Variants in C2orf68 observed in about 807,000 individuals in gnomAD.
C2orf68 encodes the protein UPF0561 protein C2orf68.
In C2orf68, 15 loss-of-function variants were observed where a neutral mutation model predicts 19.1. That is an observed-to-expected ratio of 0.79 (90% CI 0.53 to 1.21). C2orf68 has a LOEUF of 1.21. Ranked by LOEUF, C2orf68 falls within the 50% of genes most tolerant of loss-of-function variation. The pLI is 0.00. For missense variants in C2orf68, 242 were observed against 226.6 expected, an observed-to-expected ratio of 1.07 and a Z score of -0.44; for synonymous variants, 98 against 91.0, an observed-to-expected ratio of 1.08 and a Z score of -0.44.
At chr2:85,609,874 T>C (rs1374320927) in intron 2 of C2orf68, among the ~76,000 whole-genome samples, 2 of 151,846 alleles carry the variant, frequency 1.3e-5, no homozygotes, top group African/African-American at 4.8e-5. Flanking sequence ...AGAGATGGGG[T>C]TTTACCATGT....
Position 85,608,889 on chromosome 2 carries a change from G to T in C2orf68, c.*56C>A. On this transcript the variant is annotated 3_prime_UTR_variant, in exon 4 of 4. Transcript: ENST00000306336. The stretch of plus-strand genomic sequence containing the variant: ...TGGTACCCCCACACTAAATTCCCTG[G>T]GCAGAATTCTTCCGAGTGCAGTGAA... The T allele has an allele frequency of 6.2e-7, 1 of 1,600,512 alleles. No homozygotes were observed. Among genetic ancestry groups the T allele is most frequent in the Non-Finnish European group, 8.5e-7 (1 of 1,170,368 alleles).
rs1158834710 is a variant in C2orf68, at chr2:85,609,004, G to A, written c.442C>T (p.Arg148Ter). The stretch of plus-strand genomic sequence containing the variant: ...TGGATACGCAACTTGAGGGCTTCTC[G>A]CATGGGTGGATCCAGAGGCGTGTGT... ...SAHTPLDPPM[R>*]EALKLRIQEE... Residue 148 changes from arginine to a stop codon, truncating the protein, a stop_gained, in exon 4 of 4, where the codon CGA becomes TGA. Transcript: ENST00000306336. LOFTEE classifies it high-confidence loss of function. 13 of 1,614,214 alleles carry A rather than the reference G, an allele frequency of 8.1e-6. No individual in the cohort carries two copies. The highest frequency in any genetic ancestry group is 2.2e-5 in the East Asian group (1 of 44,888).
In C2orf68 at chr2:85,608,781, A is replaced by G; in HGVS notation, c.*164T>C. The G allele has an allele frequency of 1.5e-6, 1 of 645,210 alleles. No individual in the cohort carries two copies. Among genetic ancestry groups the G allele is most frequent in the South Asian group, 3.3e-5 (1 of 30,094 alleles). The allele number at this position is 645,210 out of a possible 1,614,324, so 40.0% of individuals were successfully genotyped here. ...ATGGGTCAACATATAAGAAAGAATG[A>G]CTGCAAGGCAGGCCAGGTGTAGTCC... On this transcript the variant is annotated 3_prime_UTR_variant, in exon 4 of 4. Coordinates refer to ENST00000306336, the MANE Select transcript of C2orf68 (RefSeq NM_001013649.4).
chr2:85,610,764 T>G (rs887058272), intron 2 of C2orf68: 2 of 150,106 alleles, frequency 1.3e-5, no homozygotes, highest in African/African-American at 4.9e-5. Flanking sequence ...CTCTCTCTTT[T>G]TTTTTTTTTT....
At chr2:85,609,130 G>A in intron 3 of C2orf68, 63 bp from the exon 4 acceptor site, 2 of 1,588,158 alleles carry the variant, frequency 1.3e-6, no homozygotes, top group Non-Finnish European at 1.7e-6. Context: ...GACCTGCCCT[G>A]TCCCTAAACA....
chr2:85,610,348 A>C (rs1673431087), intron 2 of C2orf68: 1 of 152,106 alleles, frequency 6.6e-6, no homozygotes, highest in Admixed American at 6.6e-5. Flanking sequence ...CCAATCAAGG[A>C]CTTATTTACC....
chr2:85,610,314 C>T (rs1336627537), intron 2 of C2orf68: 1 of 152,242 alleles, frequency 6.6e-6, no homozygotes, highest in East Asian at 1.9e-4. Context: ...CGCGCCCGGA[C>T]CAGTGTAAGC....
intron 3 of C2orf68, 134 bp downstream of exon 3, chr2:85,609,301 C>T: frequency 7.4e-7 from 1 of 1,355,442 alleles, no homozygotes; most frequent in Non-Finnish European, 1.0e-6. Context: ...AAAGCACTGC[C>T]CGGCAGGCCT....
At chr2:85,609,893 C>G (rs1404215573) in intron 2 of C2orf68, among the ~76,000 whole-genome samples, 1 of 151,816 alleles carries the variant, frequency 6.6e-6, no homozygotes, top group African/African-American at 2.4e-5. Context: ...GTTGGCCAGG[C>G]TGGTCTCAAA....
At position 85,609,709 on chromosome 2, in the gene C2orf68, T is replaced by G. The variant is rs1442222036; in HGVS notation, c.227-123A>C. 8 of 1,292,376 alleles carry G rather than the reference T, an allele frequency of 6.2e-6. No homozygotes were observed. The African/African-American group carries it at 1.0e-4, about 17-fold the overall frequency. The allele number at this position is 1,292,376 out of a possible 1,614,324, so 80.1% of individuals were successfully genotyped here. On this transcript the variant is annotated intron_variant, in intron 2 of 3. Coordinates refer to ENST00000306336, the MANE Select transcript of C2orf68 (RefSeq NM_001013649.4). The stretch of plus-strand genomic sequence containing the variant: ...CAGTCTTCTTTTTTTTGAGACGAAG[T>G]CTCACTCTGTCGCCCAGGCTGGAGT...
chr2:85,609,982 C>T (rs530058701), intron 2 of C2orf68, among the ~76,000 whole-genome samples: 96 of 150,794 alleles, frequency 6.4e-4, no homozygotes, highest in African/African-American at 2.2e-3. Context: ...CACCCAGCTG[C>T]CCCAATCTTC....
At chr2:85,611,116 TG>T (rs1673491894) in intron 2 of C2orf68, 1 of 342,466 alleles carries the variant, frequency 2.9e-6, no homozygotes, top group Non-Finnish European at 4.4e-6. Context: ...GGCACACGCC[TG>T]TGGTCCCAGG....
chr2:85,607,604 T>C lies in C2orf68; in HGVS notation c.*1341A>G, dbSNP rs1184169291. On this transcript the variant is annotated 3_prime_UTR_variant, in exon 4 of 4. Coordinates refer to ENST00000306336, the MANE Select transcript of C2orf68 (RefSeq NM_001013649.4). ...ACACATTTTAATGACAAGATTGAAG[T>C]AGCTACCTTGCAGGATAGATTTTCT... The C allele has an allele frequency of 6.6e-6, 1 of 152,180 alleles. No individual in the cohort carries two copies. Among genetic ancestry groups the C allele is most frequent in the Non-Finnish European group, 1.5e-5 (1 of 68,036 alleles). 9.4% of individuals were successfully genotyped at this position (152,180 alleles called of 1,614,324 possible).
At position 85,608,798 on chromosome 2, in the gene C2orf68, G is replaced by A; in HGVS notation, c.*147C>T. ...AAAGAATGACTGCAAGGCAGGCCAG[G>A]TGTAGTCCTGCAACACCCTATGGAT... On this transcript the variant is annotated 3_prime_UTR_variant, in exon 4 of 4. Coordinates refer to ENST00000306336, the MANE Select transcript of C2orf68 (RefSeq NM_001013649.4). 1.0e-6 allele frequency: 1 copy of A among 979,832 alleles called. No individual in the cohort carries two copies. The highest frequency in any genetic ancestry group is 1.5e-6 in the Non-Finnish European group (1 of 672,304). The allele number at this position is 979,832 out of a possible 1,614,324, so 60.7% of individuals were successfully genotyped here.
intron 2 of C2orf68, 110 bp downstream of exon 2, chr2:85,611,558 A>G: frequency 6.4e-7 from 1 of 1,551,058 alleles, no homozygotes; most frequent in Non-Finnish European, 8.7e-7. Flanking sequence ...CCGGAAAGAG[A>G]CGAGATGAGC....
chr2:85,611,862 C>A lies in C2orf68; in HGVS notation c.107+16G>T, dbSNP rs753522677. The A allele has an allele frequency of 1.2e-5, 19 of 1,597,724 alleles. No individual in the cohort carries two copies. In the Middle Eastern group the frequency reaches 5.0e-4, roughly 42 times the overall value. On this transcript the variant is annotated intron_variant, in intron 1 of 3. Transcript: ENST00000306336. ...GCCAGGAGTGGTGGCGGCGGCGGCG[C>A]AGGGCGGGGCGGTACCGAGCGATCT...
rs5832651 is a variant in C2orf68, at chr2:85,608,701, CAAAAAAAAAAAAAA to C, written c.*230_*243del. On this transcript the variant is annotated 3_prime_UTR_variant, in exon 4 of 4. Coordinates refer to ENST00000306336, the MANE Select transcript of C2orf68 (RefSeq NM_001013649.4). ...GAACACATTAGCCACACAAAATCCTCAAAAAAAAAAAAAAAAAAAAAAAAAAAAGAATTCCAGAA... is the reference window on the plus strand; with the variant it reads ...GAACACATTAGCCACACAAAATCCTCAAAAAAAAAAAAAAGAATTCCAGAA... 6.1e-3 allele frequency: 338 copies of C among 55,464 alleles called. 5 individuals are homozygous for C. Among genetic ancestry groups the C allele is most frequent in the Middle Eastern group, 0.037 (5 of 134 alleles). The allele number at this position is 55,464 out of a possible 1,614,324, so 3.4% of individuals were successfully genotyped here.
chr2:85,611,424 G>A, intron 2 of C2orf68: 5 of 1,515,010 alleles, frequency 3.3e-6, no homozygotes, highest in Admixed American at 2.2e-5. Flanking sequence ...GGGCAAACCG[G>A]CAGATAAACT....
rs912629620 is a variant in C2orf68, at chr2:85,607,313, C to A, written c.*1632G>T. On this transcript the variant is annotated 3_prime_UTR_variant, in exon 4 of 4. Coordinates refer to ENST00000306336, the MANE Select transcript of C2orf68 (RefSeq NM_001013649.4). ...AGAACAGGGGTGGAGTTTGGGAGAGCCTTCTTGACCCAGGAGGCTTTGGAG... is the reference window on the plus strand; with the variant it reads ...AGAACAGGGGTGGAGTTTGGGAGAGACTTCTTGACCCAGGAGGCTTTGGAG... The A allele has an allele frequency of 6.6e-6, 1 of 152,186 alleles. No homozygotes were observed. Among genetic ancestry groups the A allele is most frequent in the Non-Finnish European group, 1.5e-5 (1 of 68,060 alleles). The allele number at this position is 152,186 out of a possible 1,614,324, so 9.4% of individuals were successfully genotyped here. A position where few individuals can be genotyped will look rare whatever the true frequency, so the allele number is the denominator to read the frequency against.
Sources: allele counts gnomAD v4.1 joint callset (sites outside exome capture counted in the v4.1 genomes callset), GRCh38; gene constraint gnomAD v4.1.1; transcripts MANE v1.5; gene names NCBI Gene and HGNC (gene_info 2026-07-23, HGNC 2026-07-21).